The following STX8 variants were observed in gnomAD, a reference collection of about 807,000 sequenced individuals.
The protein encoded by STX8 is syntaxin-8.
A neutral mutation model predicts 37.5 loss-of-function variants in STX8; 23 were observed. That is an observed-to-expected ratio of 0.61 (90% CI 0.44 to 0.87). STX8 has a LOEUF of 0.87. Ranked by LOEUF, STX8 falls within the 40% of genes least tolerant of loss-of-function variation. The pLI, the probability that STX8 is intolerant of heterozygous loss-of-function variation, is 0.00. For synonymous variants in STX8, 115 were observed against 99.1 expected (o/e 1.16, Z -0.95); for missense variants, 313 against 284.7 (o/e 1.10, Z -0.71).
intron 7 of STX8, among the ~76,000 whole-genome samples, chr17:9,331,310 T>C (rs969590349): frequency 6.6e-6 from 1 of 152,022 alleles, no homozygotes; most frequent in Non-Finnish European, 1.5e-5. Context: ...ATTTTTCACA[T>C]CCCTCCCTCC....
chr17:9,376,705 C>T (rs531031217), intron 7 of STX8, among the ~76,000 whole-genome samples: 12 of 152,200 alleles, frequency 7.9e-5, no homozygotes, highest in South Asian at 2.1e-4. Flanking sequence ...CTGAAGTCAG[C>T]GAGACCACGA....
At chr17:9,333,277 T>C (rs1910020555) in intron 7 of STX8, among the ~76,000 whole-genome samples, 1 of 152,204 alleles carries the variant, frequency 6.6e-6, no homozygotes, top group Non-Finnish European at 1.5e-5. Context: ...TAGTCCCCAA[T>C]GTCTTTTGTT....
intron 7 of STX8, among the ~76,000 whole-genome samples, chr17:9,321,839 T>C (rs574910521): frequency 3.9e-5 from 6 of 152,148 alleles, no homozygotes; most frequent in Non-Finnish European, 7.3e-5. Context: ...TTTATTAATA[T>C]GCAAATAATC....
At chr17:9,396,820 T>C (rs1004940251) in intron 6 of STX8, among the ~76,000 whole-genome samples, 2 of 151,514 alleles carry the variant, frequency 1.3e-5, no homozygotes, top group Non-Finnish European at 2.9e-5. Flanking sequence ...CCTTAATGAA[T>C]GTACATTAAA....
At chr17:9,530,799 A>T (rs1468354528) in intron 4 of STX8, among the ~76,000 whole-genome samples, 1 of 152,192 alleles carries the variant, frequency 6.6e-6, no homozygotes, top group Non-Finnish European at 1.5e-5. Flanking sequence ...TCTTTTGATA[A>T]AAAGAATTTT....
At chr17:9,380,167 C>T (rs904940822) in intron 6 of STX8, among the ~76,000 whole-genome samples, 3 of 151,118 alleles carry the variant, frequency 2.0e-5, no homozygotes, top group Admixed American at 1.3e-4. Context: ...TAATCTAATG[C>T]TACTAATGAT....
At chr17:9,541,852 A>C (rs1309019041) in intron 4 of STX8, among the ~76,000 whole-genome samples, 1 of 152,244 alleles carries the variant, frequency 6.6e-6, no homozygotes, top group Non-Finnish European at 1.5e-5. Flanking sequence ...CATAAGCTAT[A>C]GGTCTCATGA....
chr17:9,313,634 A>G (rs1210431063), intron 7 of STX8, among the ~76,000 whole-genome samples: 1 of 152,084 alleles, frequency 6.6e-6, no homozygotes, highest in African/African-American at 2.4e-5. Context: ...TTCTATCTCT[A>G]AGTCTTTTTG....
chr17:9,545,130 T>A lies in STX8; in HGVS notation c.323+42A>T, dbSNP rs781551180. ...AACAGCTGTAGTATCTGCAAAGAAGTCTTCGCCCACCAAGTAATCCCTGTA... is the reference window on the plus strand; with the variant it reads ...AACAGCTGTAGTATCTGCAAAGAAGACTTCGCCCACCAAGTAATCCCTGTA... On this transcript the variant is annotated intron_variant, in intron 4 of 7. Coordinates refer to ENST00000306357, the MANE Select transcript of STX8 (RefSeq NM_004853.3). 6 of 1,382,882 alleles carry A rather than the reference T, an allele frequency of 4.3e-6. No individual in the cohort carries two copies. The Admixed American group carries it at 8.7e-5, about 20-fold the overall frequency. 85.7% of individuals were successfully genotyped at this position (1,382,882 alleles called of 1,614,324 possible).
At chr17:9,388,655 C>G (rs1912100357) in intron 6 of STX8, among the ~76,000 whole-genome samples, 1 of 151,486 alleles carries the variant, frequency 6.6e-6, no homozygotes, top group Non-Finnish European at 1.5e-5. Context: ...AATACAAAAT[C>G]AGCCGGGTGT....
At chr17:9,462,894 C>T (rs973906559) in intron 6 of STX8, among the ~76,000 whole-genome samples, 3 of 152,254 alleles carry the variant, frequency 2.0e-5, no homozygotes, top group African/African-American at 7.2e-5. Context: ...AGTGACAGAA[C>T]GACTAAAGAA....
chr17:9,307,230 AT>A (rs1291453615), intron 7 of STX8, among the ~76,000 whole-genome samples: 1 of 152,120 alleles, frequency 6.6e-6, no homozygotes, highest in Admixed American at 6.5e-5. Context: ...ACTTACAACT[AT>A]TTTTTGCCAT....
chr17:9,304,507 CAAAAAAAAAA>C (rs35673905), intron 7 of STX8, among the ~76,000 whole-genome samples: 2 of 56,886 alleles, frequency 3.5e-5, no homozygotes, highest in Admixed American at 2.1e-4. Flanking sequence ...GAAACTGTCT[CAAAAAAAAAA>C]AAAAAAAAAA....
At chr17:9,335,815 A>T (rs1262286564) in intron 7 of STX8, among the ~76,000 whole-genome samples, 1 of 88,084 alleles carries the variant, frequency 1.1e-5, no homozygotes, top group Admixed American at 1.6e-4. Flanking sequence ...TCTCTCTCTC[A>T]CACACACACA....
chr17:9,312,723 T>C (rs1909235145), intron 7 of STX8, among the ~76,000 whole-genome samples: 1 of 152,120 alleles, frequency 6.6e-6, no homozygotes, highest in African/African-American at 2.4e-5. Flanking sequence ...GAAAGTGGAA[T>C]GACAGGTGGT....
At chr17:9,561,380 T>C (rs535519382) in intron 2 of STX8, among the ~76,000 whole-genome samples, 5 of 152,062 alleles carry the variant, frequency 3.3e-5, no homozygotes, top group Non-Finnish European at 7.4e-5. Flanking sequence ...GAAACAAGGC[T>C]GAGCACGGTG....
Position 9,474,680 on chromosome 17 carries a change from G to A in STX8, c.541+17149C>T, listed in dbSNP as rs555545288. 1.5e-4 allele frequency among the ~76,000 whole-genome samples: 23 copies of A among 152,312 alleles called. No individual in the cohort carries two copies. In the South Asian group the frequency reaches 2.1e-3, roughly 14 times the overall value. On this transcript the variant is annotated intron_variant, in intron 6 of 7. Coordinates refer to ENST00000306357, the MANE Select transcript of STX8 (RefSeq NM_004853.3). ...ACTTTAGTCCAACTGGCTATAAAGC[G>A]AAGGGTTCCCAGCCAGGCACAGTGG...
chr17:9,394,522 G>T (rs1057081774), intron 6 of STX8, among the ~76,000 whole-genome samples: 3 of 151,440 alleles, frequency 2.0e-5, no homozygotes, highest in African/African-American at 7.3e-5. Flanking sequence ...CCGCCACCAT[G>T]CCCAGCTAAC....
At chr17:9,469,640 T>A (rs369055808) in intron 6 of STX8, 13 of 152,290 alleles carry the variant, frequency 8.5e-5, no homozygotes, top group African/African-American at 3.1e-4. Context: ...AAGAAAAAAG[T>A]ACCAGAGAAA....
Sources: gnomAD v4.1 joint callset for allele counts (sites outside exome capture counted in the v4.1 genomes callset) on GRCh38, gnomAD v4.1.1 for gene constraint, MANE v1.5 for transcripts, NCBI Gene and HGNC (gene_info 2026-07-23, HGNC 2026-07-21) for gene names.